The following RALYL variants were observed in gnomAD, a reference collection of about 807,000 sequenced individuals.
The protein encoded by RALYL is RNA-binding Raly-like protein.
RALYL carries 29 observed loss-of-function variants against 35.1 expected under a neutral mutation model. The observed-to-expected ratio is 0.83, with a 90% CI of 0.61 to 1.13. RALYL has a LOEUF of 1.13. Ranked by LOEUF, RALYL falls within the 50% of genes most tolerant of loss-of-function variation. The pLI, the probability that RALYL is intolerant of heterozygous loss-of-function variation, is 0.00. For missense variants in RALYL, 359 were observed against 360.4 expected, an observed-to-expected ratio of 1.00 and a Z score of 0.03; for synonymous variants, 120 against 127.6, an observed-to-expected ratio of 0.94 and a Z score of 0.40.
chr8:84,326,780 A>G (rs1361365988), intron 1 of RALYL, among the ~76,000 whole-genome samples: 2 of 152,214 alleles, frequency 1.3e-5, no homozygotes, highest in Non-Finnish European at 2.9e-5. Flanking sequence ...ATTTTCCCAT[A>G]TAAAAATCCA....
intron 4 of RALYL, among the ~76,000 whole-genome samples, chr8:84,835,770 C>A (rs539035928): frequency 5.6e-4 from 84 of 150,626 alleles, no homozygotes; most frequent in Admixed American, 7.9e-4. Context: ...TAACAGGAAA[C>A]CTTTTGTTGA....
intron 1 of RALYL, among the ~76,000 whole-genome samples, chr8:84,412,308 G>A (rs2044185569): frequency 6.6e-6 from 1 of 151,862 alleles, no homozygotes; most frequent in African/African-American, 2.4e-5. Context: ...AGAGTTTGTA[G>A]GTGCTCATTA....
intron 1 of RALYL, among the ~76,000 whole-genome samples, chr8:84,378,324 C>T (rs1857317748): frequency 6.6e-6 from 1 of 151,704 alleles, no homozygotes; most frequent in African/African-American, 2.4e-5. Context: ...TTAATCTTTT[C>T]AATATATATA....
At chr8:84,423,240 G>A (rs2045895998) in intron 1 of RALYL, among the ~76,000 whole-genome samples, 1 of 151,578 alleles carries the variant, frequency 6.6e-6, no homozygotes, top group Non-Finnish European at 1.5e-5. Context: ...CTCCTGCATT[G>A]GGTGCATATA....
intron 1 of RALYL, among the ~76,000 whole-genome samples, chr8:84,319,200 A>G (rs1378052332): frequency 1.3e-5 from 2 of 152,192 alleles, no homozygotes; most frequent in Non-Finnish European, 2.9e-5. Flanking sequence ...TAGTCATAGA[A>G]TAAATAGCTT....
chr8:84,289,970 T>G (rs2132210278), intron 1 of RALYL, among the ~76,000 whole-genome samples: 1 of 152,306 alleles, frequency 6.6e-6, no homozygotes, highest in Non-Finnish European at 1.5e-5. Flanking sequence ...GGTAGGAGAC[T>G]GTCTGGTTTG....
intron 1 of RALYL, among the ~76,000 whole-genome samples, chr8:84,516,347 CT>C (rs1240627589): frequency 1.7e-4 from 23 of 138,302 alleles, no homozygotes; most frequent in East Asian, 4.8e-4. Flanking sequence ...AAGTATTTTA[CT>C]TTTTTTTGTA....
chr8:84,588,979 C>A (rs1012815944), intron 2 of RALYL, among the ~76,000 whole-genome samples: 55 of 152,134 alleles, frequency 3.6e-4, no homozygotes, highest in African/African-American at 1.2e-3. Flanking sequence ...CTCACTGCAA[C>A]CTCCGCCTCC....
At chr8:84,665,200 G>A (rs1831752581) in intron 2 of RALYL, among the ~76,000 whole-genome samples, 2 of 152,174 alleles carry the variant, frequency 1.3e-5, no homozygotes, top group South Asian at 2.1e-4. Flanking sequence ...TTTTTGATGT[G>A]TGGCTGGATT....
chr8:84,659,345 A>G (rs925832450), intron 2 of RALYL, among the ~76,000 whole-genome samples: 3 of 152,088 alleles, frequency 2.0e-5, no homozygotes, highest in African/African-American at 7.2e-5. Flanking sequence ...TGGAGTTGAT[A>G]GGGTCTGGCT....
intron 2 of RALYL, among the ~76,000 whole-genome samples, chr8:84,651,697 A>G (rs1828863877): frequency 6.6e-6 from 1 of 152,072 alleles, no homozygotes; most frequent in Non-Finnish European, 1.5e-5. Flanking sequence ...CAATTTCATA[A>G]AACGTGTTAT....
At chr8:84,682,989 A>T (rs966337566) in intron 2 of RALYL, among the ~76,000 whole-genome samples, 1 of 152,036 alleles carries the variant, frequency 6.6e-6, no homozygotes, top group Non-Finnish European at 1.5e-5. Flanking sequence ...AGTGCTATAA[A>T]TTTCCCTCTA....
intron 1 of RALYL, among the ~76,000 whole-genome samples, chr8:84,506,200 C>A (rs2057151535): frequency 6.6e-6 from 1 of 152,062 alleles, no homozygotes; most frequent in Admixed American, 6.6e-5. Context: ...TAATTGCCTT[C>A]ATCTCCACTG....
intron 1 of RALYL, among the ~76,000 whole-genome samples, chr8:84,262,150 T>C (rs777971679): frequency 6.6e-6 from 1 of 152,208 alleles, no homozygotes; most frequent in Non-Finnish European, 1.5e-5. Flanking sequence ...ATTTTTGATA[T>C]GTTTTCTGTT....
intron 1 of RALYL, among the ~76,000 whole-genome samples, chr8:84,237,113 G>T (rs1386183459): frequency 6.6e-6 from 1 of 152,144 alleles, no homozygotes; most frequent in Non-Finnish European, 1.5e-5. Context: ...CAAGAATACT[G>T]CACATTTTAA....
intron 2 of RALYL, among the ~76,000 whole-genome samples, chr8:84,710,080 CA>C (rs1841923105): frequency 2.0e-5 from 3 of 151,792 alleles, no homozygotes; most frequent in Non-Finnish European, 1.5e-5. Context: ...AACAAATAAA[CA>C]AAAAAGCTAC....
intron 1 of RALYL, among the ~76,000 whole-genome samples, chr8:84,491,583 T>C (rs2055312614): frequency 6.6e-6 from 1 of 152,024 alleles, no homozygotes; most frequent in Non-Finnish European, 1.5e-5. Flanking sequence ...GATAACATTC[T>C]CAAAAGTGAT....
At chr8:84,912,238 G>T (rs1377826514) in intron 8 of RALYL, among the ~76,000 whole-genome samples, 3 of 151,938 alleles carry the variant, frequency 2.0e-5, no homozygotes, top group Admixed American at 2.0e-4. Flanking sequence ...GAAATTACAA[G>T]AACTCCAGAA....
At chr8:84,528,226 T>G (rs1021354144) in intron 1 of RALYL, among the ~76,000 whole-genome samples, 1 of 152,166 alleles carries the variant, frequency 6.6e-6, no homozygotes, top group Non-Finnish European at 1.5e-5. Flanking sequence ...TGATCATCAA[T>G]GTCAGGGACT....
Sources: gnomAD v4.1 joint callset for allele counts (sites outside exome capture counted in the v4.1 genomes callset) on GRCh38, gnomAD v4.1.1 for gene constraint, MANE v1.5 for transcripts, NCBI Gene and HGNC (gene_info 2026-07-23, HGNC 2026-07-21) for gene names.